The following CLASP2 variants were observed in gnomAD, a reference collection of about 807,000 sequenced individuals.
CLASP2 encodes the protein CLIP-associating protein 2.
A neutral mutation model predicts 194.4 loss-of-function variants in CLASP2; 47 were observed. The ratio of observed to expected loss-of-function variants is 0.24; its 90% CI spans 0.19 to 0.31. The LOEUF is 0.31. Among genes scored for constraint, CLASP2 ranks in the 10% least tolerant of loss-of-function variants. The pLI is 1.00. For synonymous variants in CLASP2, 619 were observed against 633.5 expected (o/e 0.98, Z 0.34); for missense variants, 1,445 against 1,823.6 (o/e 0.79, Z 3.78).
intron 12 of CLASP2, among the ~76,000 whole-genome samples, chr3:33,616,734 CT>C (rs958911625): frequency 0.072 from 6,856 of 95,556 alleles, 63 homozygotes; most frequent in African/African-American, 0.085. Context: ...ACTATACTTC[CT>C]TTTTTTTTTT....
chr3:33,539,614 C>T (rs1373856155), intron 32 of CLASP2, among the ~76,000 whole-genome samples: 1 of 152,068 alleles, frequency 6.6e-6, no homozygotes, highest in East Asian at 1.9e-4. Context: ...GGATTACAGG[C>T]GTGAGCCACT....
At chr3:33,578,873 C>T (rs183679649) in intron 23 of CLASP2, among the ~76,000 whole-genome samples, 263 of 152,278 alleles carry the variant, frequency 1.7e-3, no homozygotes, top group Admixed American at 3.9e-3. Context: ...AGAAGTTAAA[C>T]TTTGCTCGGC....
intron 1 of CLASP2, among the ~76,000 whole-genome samples, chr3:33,710,859 C>T (rs898171428): frequency 1.3e-5 from 2 of 152,140 alleles, no homozygotes; most frequent in East Asian, 1.9e-4. Flanking sequence ...CACTTGAACC[C>T]GGGAGGCGGA....
chr3:33,503,668 T>C (rs1313283550), intron 37 of CLASP2: 1 of 152,108 alleles, frequency 6.6e-6, no homozygotes, highest in South Asian at 2.1e-4. Context: ...CCTCAAGTGA[T>C]TCACCCGCCT....
chr3:33,520,198 G>A (rs1031528664), intron 34 of CLASP2, among the ~76,000 whole-genome samples: 10 of 152,098 alleles, frequency 6.6e-5, no homozygotes, highest in Admixed American at 2.6e-4. Context: ...TAGAGATGGG[G>A]TTTCATCATA....
chr3:33,608,232 T>G (rs568813997), intron 14 of CLASP2, among the ~76,000 whole-genome samples: 2 of 152,336 alleles, frequency 1.3e-5, no homozygotes, highest in East Asian at 3.9e-4. Context: ...CCTTCCATCT[T>G]AAATCATTCA....
rs756391977 is a variant in CLASP2 at position 33,510,770 on chromosome 3, A to T, written c.4111-6T>A. 1.3e-6 allele frequency: 2 copies of T among 1,595,874 alleles called. No individual in the cohort carries two copies. Among genetic ancestry groups the T allele is most frequent in the East Asian group, 4.5e-5 (2 of 44,380 alleles). On this transcript the variant is annotated splice_polypyrimidine_tract_variant and splice_region_variant and intron_variant, in intron 36 of 38. Coordinates refer to ENST00000682230, the MANE Select transcript of CLASP2 (RefSeq NM_001365631.1). The stretch of plus-strand genomic sequence containing the variant: ...TCCTCAGCAGATCTCACCACCTAAA[A>T]AAAATAGGAAATTAAGCCAGAAAGT...
Position 33,508,208 on chromosome 3 carries a change from G to A in CLASP2, c.4317+2350C>T, listed in dbSNP as rs1033917445. Among the ~76,000 whole-genome samples the A allele has an allele frequency of 8.5e-5, 13 of 152,066 alleles. No individual in the cohort carries two copies. In the East Asian group the frequency reaches 2.1e-3, roughly 25 times the overall value. Reference sequence around the variant, plus strand: ...TTAAAAACAATTTTTTTGTAGAGACGAGGCATCACTATGTTGCCCAGGCTG... The same window carrying A: ...TTAAAAACAATTTTTTTGTAGAGACAAGGCATCACTATGTTGCCCAGGCTG... On this transcript the variant is annotated intron_variant, in intron 37 of 38. Coordinates refer to ENST00000682230, the MANE Select transcript of CLASP2 (RefSeq NM_001365631.1).
At chr3:33,678,100 G>C (rs1030587070) in intron 6 of CLASP2, among the ~76,000 whole-genome samples, 1 of 151,858 alleles carries the variant, frequency 6.6e-6, no homozygotes, top group Admixed American at 6.6e-5. Flanking sequence ...CAAAACAGAA[G>C]AGACTATCCA....
At chr3:33,656,844 T>C (rs925962084) in intron 7 of CLASP2, among the ~76,000 whole-genome samples, 1 of 152,150 alleles carries the variant, frequency 6.6e-6, no homozygotes, top group Non-Finnish European at 1.5e-5. Flanking sequence ...CATCCCATAC[T>C]GAGTAAACAC....
chr3:33,509,886 G>A (rs1224115812), intron 37 of CLASP2, among the ~76,000 whole-genome samples: 5 of 151,992 alleles, frequency 3.3e-5, no homozygotes. Flanking sequence ...GTGAAATCTG[G>A]CAACACCCAG....
At chr3:33,689,702 A>G in intron 3 of CLASP2, 127 bp downstream of exon 3, 2 of 574,162 alleles carry the variant, frequency 3.5e-6, no homozygotes, top group Non-Finnish European at 5.8e-6. Flanking sequence ...TGTATCTTAA[A>G]TATCAACTTC....
intron 7 of CLASP2, among the ~76,000 whole-genome samples, chr3:33,654,944 G>T (rs978986370): frequency 6.6e-6 from 1 of 151,944 alleles, no homozygotes. Flanking sequence ...ATTTAAAGGG[G>T]TCCCTTAAAA....
intron 38 of CLASP2, among the ~76,000 whole-genome samples, chr3:33,499,832 T>C (rs1034653427): frequency 1.2e-4 from 19 of 152,178 alleles, no homozygotes; most frequent in African/African-American, 4.6e-4. Context: ...AATGGTTAAG[T>C]TACTGCCTGA....
intron 7 of CLASP2, among the ~76,000 whole-genome samples, chr3:33,652,452 C>T (rs576504925): frequency 2.0e-5 from 3 of 152,294 alleles, no homozygotes; most frequent in African/African-American, 4.8e-5. Flanking sequence ...GCTTTTACAA[C>T]GGGAAGCTCT....
rs536172675 is a variant in CLASP2 at position 33,624,565 on chromosome 3, T to C, written c.1036-2285A>G. Among the ~76,000 whole-genome samples the C allele has an allele frequency of 2.6e-5, 4 of 152,270 alleles. No individual in the cohort carries two copies. The South Asian group carries it at 8.3e-4, about 32-fold the overall frequency. ...CCCAGTGGATGCCTGAAACCTCAGA[T>C]AGTACTGAACCCTATATATGCTTTT... On this transcript the variant is annotated intron_variant, in intron 10 of 38. Transcript: ENST00000682230.
chr3:33,596,356 T>C (rs1439292023), intron 19 of CLASP2, among the ~76,000 whole-genome samples: 3 of 152,130 alleles, frequency 2.0e-5, no homozygotes, highest in Non-Finnish European at 4.4e-5. Flanking sequence ...ACTAAAGAGG[T>C]GAATGAAATG....
intron 9 of CLASP2, among the ~76,000 whole-genome samples, chr3:33,631,490 G>A (rs1432629008): frequency 6.6e-6 from 1 of 152,154 alleles, no homozygotes; most frequent in African/African-American, 2.4e-5. Flanking sequence ...GAGGTGAGGA[G>A]TTCGAGACCA....
intron 24 of CLASP2, 78 bp from the exon 25 acceptor site, chr3:33,573,432 G>A (rs746628741): frequency 2.1e-5 from 30 of 1,434,772 alleles, no homozygotes; most frequent in African/African-American, 2.8e-5. Flanking sequence ...GACCACAAAA[G>A]GATTGATTTT....
Sources: gnomAD v4.1 joint callset for allele counts (sites outside exome capture counted in the v4.1 genomes callset) on GRCh38, gnomAD v4.1.1 for gene constraint, MANE v1.5 for transcripts, NCBI Gene and HGNC (gene_info 2026-07-23, HGNC 2026-07-21) for gene names.